The following CACNB4 variants were observed in gnomAD, a reference collection of about 807,000 sequenced individuals.
CACNB4 encodes voltage-dependent L-type calcium channel subunit beta-4.
Under a neutral mutation model 71.2 loss-of-function variants are expected in CACNB4, and 32 were observed. That is an observed-to-expected ratio of 0.45 (90% CI 0.34 to 0.60). The LOEUF (loss-of-function observed/expected upper bound fraction) is 0.60. Among genes scored for constraint, CACNB4 ranks in the 20% least tolerant of loss-of-function variants. The pLI is 0.01. For missense variants in CACNB4, 464 were observed against 647.9 expected, an observed-to-expected ratio of 0.72 and a Z score of 3.08; for synonymous variants, 231 against 236.9, an observed-to-expected ratio of 0.97 and a Z score of 0.23.
chr2:152,046,693 C>G (rs774777189), intron 2 of CACNB4, among the ~76,000 whole-genome samples: 1 of 152,192 alleles, frequency 6.6e-6, no homozygotes, highest in Non-Finnish European at 1.5e-5. Flanking sequence ...CAGGTAAGCT[C>G]TGCCTGTTGA....
At chr2:152,095,969 T>C (rs1408115890) in intron 2 of CACNB4, among the ~76,000 whole-genome samples, 3 of 152,218 alleles carry the variant, frequency 2.0e-5, no homozygotes. Context: ...TCTGTTAACG[T>C]AAGCAGCTGT....
chr2:152,037,749 C>T (rs13009432), intron 2 of CACNB4, among the ~76,000 whole-genome samples: 61,873 of 152,090 alleles, frequency 0.41, 15,579 homozygotes, highest in Non-Finnish European at 0.57. Context: ...GAGACATGGC[C>T]TCCCTCTGAG....
chr2:151,836,015 A>G lies in CACNB4; in HGVS notation c.*3104T>C, dbSNP rs1284494722. The stretch of plus-strand genomic sequence containing the variant: ...ACCTTCTCTCCAATAGAACTGTATA[A>G]AGATAAGAGAGAATCATCATTTATA... On this transcript the variant is annotated 3_prime_UTR_variant, in exon 14 of 14. Transcript: ENST00000539935. 6.6e-6 allele frequency: 1 copy of G among 151,910 alleles called. No homozygotes were observed. Among genetic ancestry groups the G allele is most frequent in the Non-Finnish European group, 1.5e-5 (1 of 67,780 alleles). The allele number at this position is 151,910 out of a possible 1,614,324, so 9.4% of individuals were successfully genotyped here. A position where few individuals can be genotyped will look rare whatever the true frequency, so the allele number is the denominator to read the frequency against.
intron 12 of CACNB4, among the ~76,000 whole-genome samples, chr2:151,843,959 G>A (rs1298703189): frequency 6.6e-6 from 1 of 152,120 alleles, no homozygotes; most frequent in East Asian, 1.9e-4. Flanking sequence ...TGGGGTTCTT[G>A]GAACAAGACT....
chr2:152,007,146 C>G (rs1682774994), intron 2 of CACNB4, among the ~76,000 whole-genome samples: 1 of 152,174 alleles, frequency 6.6e-6, no homozygotes, highest in Admixed American at 6.5e-5. Context: ...AACTCTACCA[C>G]CTATTGTATT....
intron 2 of CACNB4, among the ~76,000 whole-genome samples, chr2:152,003,905 T>C (rs1453909359): frequency 6.6e-6 from 1 of 150,692 alleles, no homozygotes; most frequent in African/African-American, 2.4e-5. Context: ...AGTGCAATGG[T>C]GCCATTAAGG....
chr2:151,918,605 T>G (rs533714912), intron 2 of CACNB4, among the ~76,000 whole-genome samples: 4 of 152,298 alleles, frequency 2.6e-5, no homozygotes, highest in African/African-American at 9.6e-5. Flanking sequence ...ACTGACCCTA[T>G]AAATAGTAGA....
intron 2 of CACNB4, among the ~76,000 whole-genome samples, chr2:152,094,701 T>C (rs1688170673): frequency 6.6e-6 from 1 of 152,224 alleles, no homozygotes; most frequent in Non-Finnish European, 1.5e-5. Context: ...AATCTTTGAG[T>C]ACAGGGGCTG....
chr2:151,847,099 CAAAAAA>C (rs397766580), intron 12 of CACNB4, among the ~76,000 whole-genome samples: 1 of 79,778 alleles, frequency 1.3e-5, no homozygotes, highest in Non-Finnish European at 2.6e-5. Context: ...AAACTGACAC[CAAAAAA>C]AAAAAAAAAA....
At chr2:151,863,535 T>C (rs1215931197) in intron 9 of CACNB4, among the ~76,000 whole-genome samples, 1 of 152,226 alleles carries the variant, frequency 6.6e-6, no homozygotes, top group Non-Finnish European at 1.5e-5. Flanking sequence ...GGACTAATGA[T>C]GTTTGGAGGG....
intron 8 of CACNB4, 138 bp downstream of exon 8, chr2:151,870,393 G>A: frequency 2.7e-6 from 2 of 735,618 alleles, no homozygotes; most frequent in Non-Finnish European, 4.9e-6. Context: ...GCCCCACACG[G>A]TACCCCCTGC....
In CACNB4 at chr2:151,839,106, T is replaced by C. The variant is rs1486474607; in HGVS notation, c.*13A>G. The C allele has an allele frequency of 1.9e-6, 3 of 1,599,616 alleles. No individual in the cohort carries two copies. In the African/African-American group the frequency reaches 4.0e-5, roughly 21 times the overall value. ...AAATTGTCAACAGATGAATATTTTT[T>C]GTTTCATTAGACTCAAAGCCTATGT... On this transcript the variant is annotated 3_prime_UTR_variant, in exon 14 of 14. Transcript: ENST00000539935.
chr2:151,896,889 G>C lies in CACNB4; in HGVS notation c.148-13519C>G, dbSNP rs150105759. ...TCCACACTGAAGTAAACAAGGCTTA[G>C]AGACACTAAATAAGATGCCCAAGGT... On this transcript the variant is annotated intron_variant, in intron 2 of 13. Transcript: ENST00000539935. 6.6e-5 allele frequency among the ~76,000 whole-genome samples: 10 copies of C among 152,312 alleles called. No individual in the cohort carries two copies. In the East Asian group the frequency reaches 1.7e-3, roughly 26 times the overall value.
At chr2:151,981,229 C>T (rs370107609) in intron 2 of CACNB4, among the ~76,000 whole-genome samples, 1 of 152,222 alleles carries the variant, frequency 6.6e-6, no homozygotes, top group African/African-American at 2.4e-5. Context: ...CTCAGCTTCA[C>T]ACCCCACATG....
intron 2 of CACNB4, among the ~76,000 whole-genome samples, chr2:151,915,917 T>C (rs569490676): frequency 6.6e-6 from 1 of 151,372 alleles, no homozygotes; most frequent in Admixed American, 6.6e-5. Context: ...GTGGGTGGCT[T>C]GGGTTCGTGA....
intron 2 of CACNB4, chr2:151,971,334 C>T (rs1290663775): frequency 1.7e-6 from 1 of 597,552 alleles, no homozygotes; most frequent in East Asian, 2.8e-5. Context: ...AACCCCCACA[C>T]ACCCCACAAA....
chr2:152,067,006 AG>A (rs1220045676), intron 2 of CACNB4, among the ~76,000 whole-genome samples: 59 of 86,412 alleles, frequency 6.8e-4, no homozygotes, highest in African/African-American at 2.7e-3. Flanking sequence ...GGGTGGGGGG[AG>A]GGGGGAGGGA....
At chr2:152,064,213 C>T (rs1435458094) in intron 2 of CACNB4, among the ~76,000 whole-genome samples, 2 of 152,304 alleles carry the variant, frequency 1.3e-5, no homozygotes, top group Non-Finnish European at 2.9e-5. Context: ...GAGCCATGGA[C>T]ATCTGAATCG....
intron 2 of CACNB4, among the ~76,000 whole-genome samples, chr2:151,989,423 T>C (rs933247433): frequency 4.6e-5 from 7 of 152,200 alleles, no homozygotes; most frequent in Admixed American, 6.5e-5. Context: ...GACCTCTTTG[T>C]TGCAATTTCT....
Sources: allele counts gnomAD v4.1 joint callset (sites outside exome capture counted in the v4.1 genomes callset), GRCh38; gene constraint gnomAD v4.1.1; transcripts MANE v1.5; gene names NCBI Gene and HGNC (gene_info 2026-07-23, HGNC 2026-07-21).